Variants in MALRD1 observed in about 807,000 individuals in gnomAD.
MALRD1 encodes MAM and LDL receptor class A domain containing 1.
Under a neutral mutation model 242.1 loss-of-function variants are expected in MALRD1, and 247 were observed. The ratio of observed to expected loss-of-function variants is 1.02; its 90% CI spans 0.92 to 1.13. MALRD1 has a LOEUF of 1.13. Among genes scored for constraint, MALRD1 ranks in the 50% most tolerant of loss-of-function variants. The pLI is 0.00. For missense variants in MALRD1, 2,989 were observed against 2,533.1 expected (o/e 1.18, Z -3.86); for synonymous variants, 995 against 866.6 (o/e 1.15, Z -2.60).
chr10:19,117,586 TTTAA>T (rs1836917199), intron 5 of MALRD1, among the ~76,000 whole-genome samples: 1 of 152,210 alleles, frequency 6.6e-6, no homozygotes, highest in African/African-American at 2.4e-5. Context: ...AAATTACAGT[TTTAA>T]TTGTTTCATG....
intron 36 of MALRD1, among the ~76,000 whole-genome samples, chr10:19,635,378 A>T (rs954853146): frequency 6.6e-6 from 1 of 152,174 alleles, no homozygotes; most frequent in Non-Finnish European, 1.5e-5. Context: ...AAACTTGAAG[A>T]AATATAGTTC....
intron 36 of MALRD1, among the ~76,000 whole-genome samples, chr10:19,635,178 TC>T (rs1452913078): frequency 6.6e-6 from 1 of 152,020 alleles, no homozygotes; most frequent in East Asian, 1.9e-4. Context: ...TAAAATCACT[TC>T]ATAGAAAAAC....
intron 19 of MALRD1, among the ~76,000 whole-genome samples, chr10:19,268,604 C>G (rs1048792980): frequency 1.3e-5 from 2 of 152,050 alleles, no homozygotes; most frequent in African/African-American, 2.4e-5. Context: ...TTGTTAGCTA[C>G]AGGTAGATAT....
intron 38 of MALRD1, among the ~76,000 whole-genome samples, chr10:19,729,505 TTGTGTG>T (rs376101597): frequency 2.0e-5 from 3 of 148,828 alleles, no homozygotes; most frequent in Non-Finnish European, 3.0e-5. Flanking sequence ...CCATTCTCCA[TTGTGTG>T]TGTGTGTGTG....
intron 31 of MALRD1, among the ~76,000 whole-genome samples, chr10:19,509,927 C>T (rs936254277): frequency 2.7e-5 from 4 of 147,826 alleles, no homozygotes; most frequent in Admixed American, 1.4e-4. Context: ...CCCAGGGGAC[C>T]GGCGCTCAGC....
intron 10 of MALRD1, among the ~76,000 whole-genome samples, chr10:19,144,050 A>G (rs77019244): frequency 0.01 from 1,587 of 152,346 alleles, 26 homozygotes; most frequent in African/African-American, 0.036. Flanking sequence ...AGCTAGGTAT[A>G]TGGGCAAACT....
chr10:19,275,066 A>G (rs889781023), intron 19 of MALRD1, among the ~76,000 whole-genome samples: 2 of 152,154 alleles, frequency 1.3e-5, no homozygotes, highest in African/African-American at 4.8e-5. Flanking sequence ...TGAGCTTTAT[A>G]GAAAGGTTTT....
At chr10:19,398,232 C>T (rs956832574) in intron 28 of MALRD1, among the ~76,000 whole-genome samples, 1 of 151,958 alleles carries the variant, frequency 6.6e-6, no homozygotes, top group Admixed American at 6.6e-5. Context: ...CAAAAAAATC[C>T]TTGTGCATTC....
chr10:19,555,201 A>G (rs915646675), intron 32 of MALRD1, among the ~76,000 whole-genome samples: 3 of 152,064 alleles, frequency 2.0e-5, no homozygotes, highest in Non-Finnish European at 2.9e-5. Context: ...CTCACTTATT[A>G]CTCAGAAGAG....
chr10:19,308,777 GAGCTTTAGTCC>G (rs1564549349), intron 21 of MALRD1, among the ~76,000 whole-genome samples: 1 of 151,388 alleles, frequency 6.6e-6, no homozygotes, highest in African/African-American at 2.4e-5. Flanking sequence ...CAGGCCCTCC[GAGCTTTAGTCC>G]AGTGTTTGGA....
At chr10:19,083,751 T>C (rs1233698936) in intron 2 of MALRD1, among the ~76,000 whole-genome samples, 1 of 151,890 alleles carries the variant, frequency 6.6e-6, no homozygotes, top group Non-Finnish European at 1.5e-5. Context: ...CAAAGTTAAA[T>C]GTGAAACTGG....
chr10:19,700,953 C>T (rs1833595086), intron 38 of MALRD1, among the ~76,000 whole-genome samples: 1 of 151,974 alleles, frequency 6.6e-6, no homozygotes, highest in African/African-American at 2.4e-5. Flanking sequence ...CTCAAGACTA[C>T]CCTGGGCAAC....
At chr10:19,714,950 A>G (rs1834315215) in intron 38 of MALRD1, among the ~76,000 whole-genome samples, 1 of 152,190 alleles carries the variant, frequency 6.6e-6, no homozygotes, top group African/African-American at 2.4e-5. Context: ...ATGGGTTTAA[A>G]ATAATTTAAA....
chr10:19,507,587 A>G (rs115764214), intron 31 of MALRD1, among the ~76,000 whole-genome samples: 2 of 152,304 alleles, frequency 1.3e-5, no homozygotes, highest in African/African-American at 2.4e-5. Context: ...TGATACATAA[A>G]TTCTTCTTTA....
chr10:19,070,872 G>T (rs12241088), intron 2 of MALRD1, among the ~76,000 whole-genome samples: 8 of 112,824 alleles, frequency 7.1e-5, no homozygotes, highest in Non-Finnish European at 1.4e-4. Flanking sequence ...TTTTTCCGGA[G>T]ACACAGTCTG....
intron 21 of MALRD1, among the ~76,000 whole-genome samples, chr10:19,298,370 G>A (rs932117130): frequency 2.6e-5 from 4 of 151,856 alleles, no homozygotes; most frequent in Admixed American, 2.6e-4. Flanking sequence ...CTGCCACACT[G>A]GAGATCAAAT....
intron 18 of MALRD1, among the ~76,000 whole-genome samples, chr10:19,211,843 G>T (rs1299882286): frequency 6.6e-6 from 1 of 151,932 alleles, no homozygotes; most frequent in African/African-American, 2.4e-5. Flanking sequence ...TTAATTAACT[G>T]TGATATGGTA....
intron 14 of MALRD1, among the ~76,000 whole-genome samples, chr10:19,199,653 T>C (rs1187359921): frequency 6.6e-6 from 1 of 151,936 alleles, no homozygotes; most frequent in Non-Finnish European, 1.5e-5. Context: ...ATACAAACAG[T>C]AGCTGGGTAT....
intron 9 of MALRD1, among the ~76,000 whole-genome samples, chr10:19,134,767 T>G (rs1564414346): frequency 6.6e-6 from 1 of 152,320 alleles, no homozygotes; most frequent in East Asian, 1.9e-4. Flanking sequence ...TAAATTTTGT[T>G]TTAACTCAAA....
Sources: gnomAD v4.1 joint callset for allele counts (sites outside exome capture counted in the v4.1 genomes callset) on GRCh38, gnomAD v4.1.1 for gene constraint, MANE v1.5 for transcripts, NCBI Gene and HGNC (gene_info 2026-07-23, HGNC 2026-07-21) for gene names.